Variants in TTN observed in about 807,000 individuals in gnomAD.
The protein encoded by TTN is connectin.
A neutral mutation model predicts 3,223.0 loss-of-function variants in TTN; 1,525 were observed. The observed-to-expected ratio is 0.47, with a 90% CI of 0.45 to 0.49. The LOEUF is 0.49. Among genes scored for constraint, TTN ranks in the 20% least tolerant of loss-of-function variants. The pLI, the probability that TTN is intolerant of heterozygous loss-of-function variation, is 0.00. For synonymous variants in TTN, 14,094 were observed against 15,161.0 expected, an observed-to-expected ratio of 0.93 and a Z score of 5.17; for missense variants, 40,786 against 43,424.0, an observed-to-expected ratio of 0.94 and a Z score of 5.40.
chr2:178,746,264 G>A (rs776003340), intron 47 of TTN: 13 of 1,612,250 alleles, frequency 8.1e-6, no homozygotes, highest in East Asian at 4.5e-5. Flanking sequence ...AAAGCGAGGA[G>A]GCATTTCAAA....
rs147192175 is a variant in TTN, at chr2:178,599,862, A to T, written c.56051-12T>A. The T allele has an allele frequency of 4.0e-5, 61 of 1,538,624 alleles. No individual in the cohort carries two copies. Among genetic ancestry groups the T allele is most frequent in the African/African-American group, 1.9e-4 (14 of 71,846 alleles). The stretch of plus-strand genomic sequence containing the variant: ...AATTGATGGTGGGCCTAGATTATTT[A>T]AAAAAAGTTGTCATTAGGAGCAAAA... On this transcript the variant is annotated splice_polypyrimidine_tract_variant and intron_variant, in intron 288 of 362. Transcript: ENST00000589042.
chr2:178,550,974 A>G lies in TTN; in HGVS notation c.91557T>C (p.Asp30519=), dbSNP rs202185465. 2,099 of 1,612,566 alleles carry G rather than the reference A, an allele frequency of 1.3e-3. 2 individuals are homozygous for G. The highest frequency in any genetic ancestry group is 1.6e-3 in the Non-Finnish European group (1,877 of 1,179,412). ...TAAGTTGTAAATGCTTACCATTTTC[A>G]TCTCTTGTCATAATAATGCCAGAAG... ...SQSSGIIMTR[D]ENVPPIVEFG... The change falls in exon 336 of 363, where the codon GAT becomes GAC. Residue 30519 remains aspartate, a synonymous_variant. Transcript: ENST00000589042.
intron 13 of TTN, among the ~76,000 whole-genome samples, chr2:178,787,527 TG>T (rs1388613199): frequency 7.9e-5 from 12 of 152,162 alleles, no homozygotes; most frequent in Admixed American, 1.3e-4. Context: ...AATATTATTT[TG>T]ATTGTAGTGT....
At position 178,575,888 on chromosome 2, in the gene TTN, A is replaced by G. The variant is rs765861604; in HGVS notation, c.70244T>C (p.Met23415Thr). Residue 23415 changes from methionine (M) to threonine (T), a missense_variant, in exon 326 of 363, where the codon ATG (methionine) becomes ACG (threonine). By Grantham distance (81) the Met-to-Thr change is moderately conservative (BLOSUM62 -1). Transcript: ENST00000589042. This position sits in a 1 kb window ranked among gnomAD's most constrained non-coding sequence, Gnocchi z 4.0. ...CTTCCCAGCCGGGTTTTCAATGGTC[A>G]TGACAAATTTACCGGTATCATATCT... ...CNRYDTGKFV[M>T]TIENPAGKKS... 1.9e-6 allele frequency: 3 copies of G among 1,613,600 alleles called. No individual in the cohort carries two copies. Among genetic ancestry groups the G allele is most frequent in the Non-Finnish European group, 2.5e-6 (3 of 1,179,616 alleles).
Position 178,723,291 on chromosome 2 carries a change from T to C in TTN, c.21716A>G (p.His7239Arg). Residue 7239 changes from histidine (H) to arginine (R), a missense_variant, in exon 75 of 363, where the codon CAT (histidine) becomes CGT (arginine). Physicochemically the swap from His to Arg is conservative, Grantham distance 29. Transcript: ENST00000589042. ...TATGGACTTCCCTGGTTCTACAGAA[T>C]GATCACTTAATCTCTTCAAAAATGC... ...PAAFLKRLSD[H>R]SVEPGKSIIL... 2 of 1,613,418 alleles carry C rather than the reference T, an allele frequency of 1.2e-6. No individual in the cohort carries two copies. Among genetic ancestry groups the C allele is most frequent in the Non-Finnish European group, 1.7e-6 (2 of 1,179,606 alleles).
intron 151 of TTN, among the ~76,000 whole-genome samples, chr2:178,673,918 GC>G (rs946886115): frequency 6.6e-6 from 1 of 151,576 alleles, no homozygotes; most frequent in African/African-American, 2.4e-5. Context: ...TACCAATTAT[GC>G]AAAATATTAT....
Position 178,636,375 on chromosome 2 carries a change from A to C in TTN, c.41329+23T>G. ...GTTACATTAAAGTTTAATATAGATT[A>C]TGTTCAGAAGACTAGAAATTACCTT... On this transcript the variant is annotated intron_variant, in intron 225 of 362. Coordinates refer to ENST00000589042, the MANE Select transcript of TTN (RefSeq NM_001267550.2). This position sits in a 1 kb window ranked among gnomAD's most constrained non-coding sequence, Gnocchi z 4.3. The C allele has an allele frequency of 5.1e-6, 8 of 1,573,776 alleles. No homozygotes were observed. Among genetic ancestry groups the C allele is most frequent in the Non-Finnish European group, 6.9e-6 (8 of 1,161,368 alleles).
chr2:178,612,138 A>G lies in TTN; in HGVS notation c.50273T>C (p.Leu16758Pro). The G allele has an allele frequency of 1.9e-6, 3 of 1,611,474 alleles. No individual in the cohort carries two copies. The highest frequency in any genetic ancestry group is 2.5e-6 in the Non-Finnish European group (3 of 1,178,808). Reference sequence around the variant, plus strand: ...TCGTTTTGTCACATCAACCACTGCCAGGGCGTAGGGTGGTCCAGGAGTGGC... The same window carrying G: ...TCGTTTTGTCACATCAACCACTGCCGGGGCGTAGGGTGGTCCAGGAGTGGC... ...TFTTPGPPYA[L>P]AVVDVTKRHV... is the part of the protein sequence containing the mutation. The change falls in exon 267 of 363, where the codon CTG becomes CCG. Residue 16758 changes from leucine to proline, a missense_variant. Transcript: ENST00000589042.
chr2:178,697,495 T>C (rs928123764), intron 112 of TTN, among the ~76,000 whole-genome samples: 2 of 152,200 alleles, frequency 1.3e-5, no homozygotes, highest in Non-Finnish European at 2.9e-5. Context: ...ATGTTTAATA[T>C]GTCCAATGCT....
chr2:178,671,979 G>A lies in TTN; in HGVS notation c.35219C>T (p.Pro11740Leu). ...TGAAGAATTCCCTATACCTTTAGGT[G>A]GAGCTTTTGGTTTTTCAAATACTTC... ...EVEVFEKPKA[P>L]PKGPEISEKI... Residue 11740 changes from proline (P) to leucine (L), a missense_variant, in exon 155 of 363, where the codon CCA (proline) becomes CTA (leucine). Physicochemically the swap from Pro to Leu is moderately conservative, Grantham distance 98. Transcript: ENST00000589042. 1 of 1,600,428 alleles carries A rather than the reference G, an allele frequency of 6.2e-7. No individual in the cohort carries two copies. The highest frequency in any genetic ancestry group is 8.5e-7 in the Non-Finnish European group (1 of 1,176,422).
chr2:178,562,272 C>A lies in TTN; in HGVS notation c.83860G>T (p.Val27954Leu). The A allele has an allele frequency of 6.2e-7, 1 of 1,613,472 alleles. No homozygotes were observed. The highest frequency in any genetic ancestry group is 8.5e-7 in the Non-Finnish European group (1 of 1,179,666). Residue 27954 changes from valine (V) to leucine (L), a missense_variant, in exon 326 of 363, where the codon GTA becomes TTA. Val to Leu is a conservative substitution (Grantham distance 32). Coordinates refer to ENST00000589042, the MANE Select transcript of TTN (RefSeq NM_001267550.2). ...RSDPRQLGVP[V>L]IARDIEIKPS... is the part of the protein sequence containing the mutation. ...TTTATTTCAATATCCCTTGCAATTA[C>A]TGGCACTCCAAGTTGTCTTGGATCA...
rs1708096253 is a variant in TTN at position 178,571,304 on chromosome 2, T to C, written c.74828A>G (p.Tyr24943Cys). The C allele has an allele frequency of 1.2e-6, 2 of 1,613,382 alleles. No individual in the cohort carries two copies. Among genetic ancestry groups the C allele is most frequent in the East Asian group, 2.2e-5 (1 of 44,814 alleles). Reference protein sequence around the residue: ...ISDGGSRVIGYHLERKERNSI... With the variant: ...ISDGGSRVIGCHLERKERNSI... ...ATTTCTTTCCTTGCGTTCTAGATGA[T>C]AGCCAATGACTCTACTTCCTCCATC... Residue 24943 changes from tyrosine to cysteine, a missense_variant, in exon 326 of 363, where the codon TAT (tyrosine) becomes TGT (cysteine). Coordinates refer to ENST00000589042, the MANE Select transcript of TTN (RefSeq NM_001267550.2).
chr2:178,582,972 G>T lies in TTN; in HGVS notation c.65831C>A (p.Ser21944Tyr). ...YTITAENSSG[S>Y]KSATIKLKVL... ...TTTAAGCTTAATGGTGGCTGATTTA[G>T]AACCACTTGAATTTTCAGCAGTAAT... The change falls in exon 313 of 363, where the codon TCT becomes TAT. Residue 21944 changes from serine (S) to tyrosine (Y), a missense_variant. Physicochemically the swap from Ser to Tyr is moderately radical, Grantham distance 144 (BLOSUM62 -2). Coordinates refer to ENST00000589042, the MANE Select transcript of TTN (RefSeq NM_001267550.2). 1 of 1,550,844 alleles carries T rather than the reference G, an allele frequency of 6.4e-7. No individual in the cohort carries two copies. The highest frequency in any genetic ancestry group is 1.3e-5 in the South Asian group (1 of 78,302).
intron 44 of TTN, 66 bp from the exon 45 acceptor site, chr2:178,757,982 G>C: frequency 6.8e-7 from 1 of 1,471,646 alleles, no homozygotes; most frequent in Admixed American, 2.4e-5. Context: ...ATTTGGAGTT[G>C]TCTACAGATT....
rs1007947079 is a variant in TTN, at chr2:178,553,777, A to G, written c.89228T>C (p.Ile29743Thr). ...DPPGPPAKIR[I>T]ADSTKSSITL... ...GATGGATGACTTGGTTGAATCTGCGATTCTTATCTTAGCAGGTGGACCTGG... is the reference window on the plus strand; with the variant it reads ...GATGGATGACTTGGTTGAATCTGCGGTTCTTATCTTAGCAGGTGGACCTGG... The change falls in exon 334 of 363, where the codon ATC (isoleucine) becomes ACC (threonine). Residue 29743 changes from isoleucine to threonine, a missense_variant. Transcript: ENST00000589042. 5.6e-6 allele frequency: 9 copies of G among 1,604,564 alleles called. No individual in the cohort carries two copies. Among genetic ancestry groups the G allele is most frequent in the Non-Finnish European group, 7.7e-6 (9 of 1,174,198 alleles).
intron 220 of TTN, among the ~76,000 whole-genome samples, chr2:178,641,013 T>C (rs1214379291): frequency 6.6e-6 from 1 of 151,924 alleles, no homozygotes; most frequent in Non-Finnish European, 1.5e-5. Flanking sequence ...AGAACTTAAG[T>C]TGCAAAGTAA....
rs1559722528 is a variant in TTN at position 178,605,424 on chromosome 2, T to C, written c.53871A>G (p.Gln17957=). 2 of 1,591,762 alleles carry C rather than the reference T, an allele frequency of 1.3e-6. No homozygotes were observed. The highest frequency in any genetic ancestry group is 1.7e-5 in the Admixed American group (1 of 57,464). Residue 17957 remains glutamine (Q), a synonymous_variant, in exon 279 of 363, where the codon CAA becomes CAG. Transcript: ENST00000589042. ...EPSLPLNVVI[Q]DDEVPPTIKL... ...ATTCAGATTCCGCACCTTCATCATC[T>C]TGTATGACTACATTAAGAGGTAGGG...
chr2:178,588,258 G>C (rs775327651), intron 304 of TTN, 39 bp from the exon 305 acceptor site: 2 of 1,483,468 alleles, frequency 1.3e-6, no homozygotes, highest in Non-Finnish European at 1.8e-6. Context: ...TACTACTAGT[G>C]ATACTTCAAT....
chr2:178,805,159 A>G (rs2094255832), intron 1 of TTN, among the ~76,000 whole-genome samples: 1 of 151,998 alleles, frequency 6.6e-6, no homozygotes, highest in Non-Finnish European at 1.5e-5. Flanking sequence ...TTTGGCTAAC[A>G]TGGTGAAACC....
Sources: gnomAD v4.1 joint callset for allele counts (sites outside exome capture counted in the v4.1 genomes callset) on GRCh38, gnomAD v4.1.1 for gene constraint, Gnocchi (gnomAD v3.1) non-coding constraint, MANE v1.5 for transcripts, NCBI Gene and HGNC (gene_info 2026-07-23, HGNC 2026-07-21) for gene names.